KMT2C: variants seen among roughly 807,000 people sequenced by gnomAD.
KMT2C encodes lysine methyltransferase 2C.
In KMT2C, 88 loss-of-function variants were observed where a neutral mutation model predicts 507.9. The ratio of observed to expected loss-of-function variants is 0.17; its 90% CI spans 0.15 to 0.21. KMT2C has a LOEUF of 0.21. KMT2C is among the 10% of genes least tolerant of loss of function. The pLI is 1.00. For missense variants in KMT2C, 4,954 were observed against 5,957.8 expected, an observed-to-expected ratio of 0.83 and a Z score of 5.55; for synonymous variants, 2,049 against 2,080.8, an observed-to-expected ratio of 0.98 and a Z score of 0.42.
At chr7:152,361,818 A>G (rs2097200059) in intron 1 of KMT2C, among the ~76,000 whole-genome samples, 1 of 152,214 alleles carries the variant, frequency 6.6e-6, no homozygotes, top group Admixed American at 6.5e-5. Flanking sequence ...CAGATTACAT[A>G]AAGCAAACAT....
chr7:152,211,668 A>C (rs2094457517), intron 23 of KMT2C, among the ~76,000 whole-genome samples: 1 of 152,262 alleles, frequency 6.6e-6, no homozygotes, highest in African/African-American at 2.4e-5. Context: ...CAGTGCCCTC[A>C]CACAGGTGGT....
chr7:152,371,696 C>T (rs1194233256), intron 1 of KMT2C, among the ~76,000 whole-genome samples: 2 of 151,886 alleles, frequency 1.3e-5, no homozygotes, highest in Admixed American at 1.3e-4. Context: ...TCACTGGAAA[C>T]CCCACCTCCC....
chr7:152,360,334 T>C (rs1280984550), intron 1 of KMT2C, among the ~76,000 whole-genome samples: 1 of 151,126 alleles, frequency 6.6e-6, no homozygotes, highest in Non-Finnish European at 1.5e-5. Context: ...AAAAATTAGC[T>C]GGACGTGTTG....
intron 1 of KMT2C, chr7:152,367,535 G>A (rs2097257376): frequency 8.4e-7 from 1 of 1,193,616 alleles, no homozygotes; most frequent in Admixed American, 1.7e-5. Context: ...CCTGGATTGG[G>A]AAAGTCGACA....
intron 34 of KMT2C, 110 bp from the exon 35 acceptor site, chr7:152,183,266 A>T: frequency 1.2e-6 from 1 of 831,928 alleles, no homozygotes; most frequent in Non-Finnish European, 1.8e-6. Context: ...GTCAGGTAAA[A>T]TAGCTGAAAT....
chr7:152,252,432 T>C (rs137953653), intron 10 of KMT2C, 114 bp downstream of exon 10: 27 of 802,200 alleles, frequency 3.4e-5, no homozygotes, highest in Non-Finnish European at 4.8e-5. Context: ...CAGCAATCAG[T>C]ACTGATGGAA....
chr7:152,148,834 C>A lies in KMT2C; in HGVS notation c.13093G>T (p.Val4365Leu), dbSNP rs767968866. The A allele has an allele frequency of 1.1e-5, 17 of 1,614,116 alleles. No homozygotes were observed. The highest frequency in any genetic ancestry group is 1.7e-5 in the Admixed American group (1 of 60,016). ...GGTTTAAATGTCCCCTTAGGGATTA[C>A]AATATGAATGCTCCACTTCTTCCAT... ...MKWKKWSIHIVIPKGTFKPPC... is the reference protein window; with the variant it reads ...MKWKKWSIHILIPKGTFKPPC... The change falls in exon 52 of 59, where the codon GTA (valine) becomes TTA (leucine). Residue 4365 changes from valine (V) to leucine (L), a missense_variant. This residue lies in a region of KMT2C where 417 missense variants were observed against 461.1 expected (regional missense o/e 0.90). Transcript: ENST00000262189. The surrounding 1 kb of genome is among the most constrained non-coding windows in gnomAD (Gnocchi z 7.1).
In KMT2C at chr7:152,177,075, T is replaced by TCAACAGATACACACTGATTATC; in HGVS notation, c.8356_8377dup (p.Glu2793GlyfsTer2). The TCAACAGATACACACTGATTATC allele has an allele frequency of 6.2e-7, 1 of 1,612,152 alleles. No homozygotes were observed. ...GTTTTCTTGTTCCTTTTTTTTTGGTTCAACAGATACACACTGATTATCTAA... is the reference window on the plus strand; with the variant it reads ...GTTTTCTTGTTCCTTTTTTTTTGGTTCAACAGATACACACTGATTATCCAACAGATACACACTGATTATCTAA... On this transcript the variant is annotated stop_gained and frameshift_variant, in exon 38 of 59. Transcript: ENST00000262189. LOFTEE classifies it high-confidence loss of function.
chr7:152,379,219 T>C (rs2097351433), intron 1 of KMT2C, among the ~76,000 whole-genome samples: 1 of 152,112 alleles, frequency 6.6e-6, no homozygotes, highest in African/African-American at 2.4e-5. Context: ...GAACCACTTT[T>C]TCCAAAACAC....
intron 1 of KMT2C, among the ~76,000 whole-genome samples, chr7:152,371,488 G>C (rs888918513): frequency 6.6e-6 from 1 of 151,968 alleles, no homozygotes; most frequent in African/African-American, 2.4e-5. Context: ...AAACTTACAA[G>C]AGTCAGAAAA....
rs200182945 is a variant in KMT2C at position 152,315,220 on chromosome 7, T to C, written c.508A>G (p.Lys170Glu). The change falls in exon 4 of 59, where the codon AAG becomes GAG. Residue 170 changes from lysine to glutamate, a missense_variant. Physicochemically the swap from Lys to Glu is moderately conservative, Grantham distance 56 (BLOSUM62 1). This residue lies in a region of KMT2C where 233 missense variants were observed against 263.6 expected (regional missense o/e 0.88). Transcript: ENST00000262189. ...ILPWRNQPSN[K>E]KDIDDNSNGT... ...TTGCTGTTGTCATCAATGTCCTTCT[T>C]GTTAGAAGGTTGGTTTCTCCATGGC... 20 of 1,613,626 alleles carry C rather than the reference T, an allele frequency of 1.2e-5. No homozygotes were observed. Among genetic ancestry groups the C allele is most frequent in the Non-Finnish European group, 5.1e-6 (6 of 1,179,646 alleles).
chr7:152,179,587 A>G (rs1337900920), intron 37 of KMT2C, among the ~76,000 whole-genome samples: 1 of 150,184 alleles, frequency 6.7e-6, no homozygotes, highest in Non-Finnish European at 1.5e-5. Context: ...AGAAAGCAGT[A>G]ACAGCTTCCT....
At chr7:152,277,215 T>C (rs573874994) in intron 6 of KMT2C, among the ~76,000 whole-genome samples, 1 of 152,182 alleles carries the variant, frequency 6.6e-6, no homozygotes, top group African/African-American at 2.4e-5. Context: ...TAAATAAGTA[T>C]TATAAGGCTC....
intron 1 of KMT2C, chr7:152,367,511 C>T: frequency 1.9e-6 from 2 of 1,037,480 alleles, no homozygotes; most frequent in South Asian, 2.5e-5. Flanking sequence ...AGCCACCTTA[C>T]CCAGAGAGGC....
At chr7:152,327,374 T>G (rs1207142722) in intron 3 of KMT2C, among the ~76,000 whole-genome samples, 3 of 152,182 alleles carry the variant, frequency 2.0e-5, no homozygotes, top group Non-Finnish European at 4.4e-5. Flanking sequence ...AGGCATACTG[T>G]GTCCTTAAGA....
rs892598158 is a variant in KMT2C at position 152,205,117 on chromosome 7, C to A, written c.3950G>T (p.Cys1317Phe). The A allele has an allele frequency of 1.2e-6, 2 of 1,611,328 alleles. No homozygotes were observed. Among genetic ancestry groups the A allele is most frequent in the African/African-American group, 2.7e-5 (2 of 74,728 alleles). The part of the protein sequence containing the change: ...SSGSISEQLP[C>F]RDDGWSEQLP... ...AGTCAGTACTATACCATCATCTCTG[C>A]AAGGTAACTGCTCGGAAATAGAGCC... is the stretch of plus-strand genomic sequence containing the variant. Residue 1317 changes from cysteine to phenylalanine, a missense_variant, in exon 25 of 59, where the codon TGC (cysteine) becomes TTC (phenylalanine). Physicochemically the swap from Cys to Phe is radical, Grantham distance 205. Around this residue, in one of 29 missense-constraint regions of KMT2C, gnomAD observed 176 missense variants for 262.0 expected, o/e 0.67. Coordinates refer to ENST00000262189, the MANE Select transcript of KMT2C (RefSeq NM_170606.3).
At chr7:152,207,488 C>T (rs2129138735) in intron 23 of KMT2C, 60 bp from the exon 24 acceptor site, 2 of 1,454,246 alleles carry the variant, frequency 1.4e-6, no homozygotes, top group Non-Finnish European at 9.4e-7. Context: ...ATAATCCCTA[C>T]ATAATGGGGA....
At position 152,187,700 on chromosome 7, in the gene KMT2C, A is replaced by T. The variant is rs771708691; in HGVS notation, c.4793+15T>A. On this transcript the variant is annotated intron_variant, in intron 32 of 58. Coordinates refer to ENST00000262189, the MANE Select transcript of KMT2C (RefSeq NM_170606.3). Reference sequence around the variant, plus strand: ...TTAGTGCAATTTAAGTTTCCATAGAAAATAAGGCTTGTACCTGGCATCAGG... The same window carrying T: ...TTAGTGCAATTTAAGTTTCCATAGATAATAAGGCTTGTACCTGGCATCAGG... 2.6e-5 allele frequency: 42 copies of T among 1,604,268 alleles called. No individual in the cohort carries two copies. Among genetic ancestry groups the T allele is most frequent in the Non-Finnish European group, 3.4e-5 (40 of 1,177,564 alleles).
intron 42 of KMT2C, among the ~76,000 whole-genome samples, chr7:152,164,404 C>T (rs2092630714): frequency 1.3e-5 from 2 of 151,752 alleles, no homozygotes; most frequent in African/African-American, 4.8e-5. Flanking sequence ...ATTCTCCTGC[C>T]TCAGCCTCCC....
Sources: allele counts gnomAD v4.1 joint callset (sites outside exome capture counted in the v4.1 genomes callset), GRCh38; gene constraint gnomAD v4.1.1; regional missense constraint gnomAD v4.1.1; non-coding constraint Gnocchi (gnomAD v3.1); transcripts MANE v1.5; gene names NCBI Gene and HGNC (gene_info 2026-07-23, HGNC 2026-07-21).